The following CHMP3 variants were observed in gnomAD, a reference collection of about 807,000 sequenced individuals.
The protein encoded by CHMP3 is 25.1 protein.
A neutral mutation model predicts 27.4 loss-of-function variants in CHMP3; 8 were observed. The ratio of observed to expected loss-of-function variants is 0.29; its 90% CI spans 0.17 to 0.53. The LOEUF (loss-of-function observed/expected upper bound fraction) is 0.53. Ranked by LOEUF, CHMP3 falls within the 20% of genes least tolerant of loss-of-function variation. CHMP3 has a pLI of 0.96. For missense variants in CHMP3, 208 were observed against 271.5 expected, an observed-to-expected ratio of 0.77 and a Z score of 1.64; for synonymous variants, 86 against 85.5, an observed-to-expected ratio of 1.01 and a Z score of -0.03.
At chr2:86,556,328 A>C (rs1049081443) in intron 1 of CHMP3, among the ~76,000 whole-genome samples, 1 of 152,198 alleles carries the variant, frequency 6.6e-6, no homozygotes, top group Non-Finnish European at 1.5e-5. Context: ...AAAGCAACAA[A>C]TACAAGTGAC....
At chr2:86,520,616 G>A (rs1248960321) in intron 3 of CHMP3, among the ~76,000 whole-genome samples, 1 of 152,098 alleles carries the variant, frequency 6.6e-6, no homozygotes, top group African/African-American at 2.4e-5. Context: ...AAAAATACTA[G>A]AACAGTCTTT....
At chr2:86,507,685 T>A (rs1674939435) in intron 4 of CHMP3, 92 bp from the exon 5 acceptor site, 1 of 1,017,552 alleles carries the variant, frequency 9.8e-7, no homozygotes, top group Non-Finnish European at 1.5e-6. Context: ...CTAGCCTAAG[T>A]CCAGTCTATC....
intron 5 of CHMP3, chr2:86,507,179 G>A (rs954256594): frequency 4.4e-5 from 10 of 229,752 alleles, no homozygotes; most frequent in African/African-American, 1.8e-4. Flanking sequence ...AAGGGCTTTT[G>A]AATGGCTATG....
intron 2 of CHMP3, among the ~76,000 whole-genome samples, chr2:86,531,528 C>T (rs897333543): frequency 1.3e-5 from 2 of 152,166 alleles, no homozygotes; most frequent in Non-Finnish European, 2.9e-5. Flanking sequence ...CACATCACCA[C>T]GCCCAGCAGT....
chr2:86,534,727 TATA>T (rs1676058628), intron 2 of CHMP3, among the ~76,000 whole-genome samples: 1 of 152,214 alleles, frequency 6.6e-6, no homozygotes, highest in African/African-American at 2.4e-5. Context: ...CTTTGTCTCA[TATA>T]ATCTTTATTT....
At chr2:86,509,626 T>C (rs892676829) in intron 4 of CHMP3, among the ~76,000 whole-genome samples, 4 of 152,182 alleles carry the variant, frequency 2.6e-5, no homozygotes, top group Admixed American at 2.6e-4. Context: ...CCCATCCTCA[T>C]TTCCTCTGTG....
intron 3 of CHMP3, among the ~76,000 whole-genome samples, chr2:86,523,554 A>G (rs1007756678): frequency 1.3e-5 from 2 of 152,184 alleles, no homozygotes; most frequent in African/African-American, 4.8e-5. Context: ...GGGCTAAAAG[A>G]GATATTTATT....
chr2:86,548,789 C>T (rs1354683088), intron 1 of CHMP3, among the ~76,000 whole-genome samples: 2 of 151,660 alleles, frequency 1.3e-5, no homozygotes, highest in Non-Finnish European at 2.9e-5. Context: ...GGCAGAGGTG[C>T]TCCTCACCTC....
At chr2:86,531,405 G>A (rs1189985703) in intron 2 of CHMP3, among the ~76,000 whole-genome samples, 1 of 152,110 alleles carries the variant, frequency 6.6e-6, no homozygotes, top group African/African-American at 2.4e-5. Flanking sequence ...ATGTTGCTCA[G>A]GGTGTAGTGC....
intron 3 of CHMP3, among the ~76,000 whole-genome samples, chr2:86,524,595 T>C (rs1004533050): frequency 1.3e-5 from 2 of 152,226 alleles, no homozygotes; most frequent in Non-Finnish European, 2.9e-5. Context: ...GTGTAGGTTA[T>C]ATGCAAATAC....
chr2:86,542,622 C>G (rs970057185), intron 1 of CHMP3, among the ~76,000 whole-genome samples: 3 of 152,258 alleles, frequency 2.0e-5, no homozygotes, highest in Middle Eastern at 3.4e-3. Flanking sequence ...TCCAAGTGCA[C>G]AGTTAGCTTT....
chr2:86,511,521 G>T (rs1042889496), intron 3 of CHMP3: 11 of 151,296 alleles, frequency 7.3e-5, no homozygotes, highest in Non-Finnish European at 1.6e-4. Flanking sequence ...TGATAAAAAA[G>T]TTATAATTAC....
At chr2:86,516,907 T>C (rs1301182093) in intron 3 of CHMP3, among the ~76,000 whole-genome samples, 3 of 152,208 alleles carry the variant, frequency 2.0e-5, no homozygotes, top group Admixed American at 6.5e-5. Context: ...AAGGGCAACA[T>C]GACGGATTCT....
At position 86,503,986 on chromosome 2, in the gene CHMP3, C is replaced by G. The variant is rs1674794000; in HGVS notation, c.*1818G>C. ...AGAAAAGTAACTATTGGGTACTAGG[C>G]TTAGTACCTGGGTCACTAAATAATC... On this transcript the variant is annotated 3_prime_UTR_variant, in exon 6 of 6. Coordinates refer to ENST00000263856, the MANE Select transcript of CHMP3 (RefSeq NM_016079.4). 6.6e-6 allele frequency: 1 copy of G among 152,126 alleles called. No individual in the cohort carries two copies. The allele number at this position is 152,126 out of a possible 1,614,324, so 9.4% of individuals were successfully genotyped here.
chr2:86,534,718 T>G (rs1024655268), intron 2 of CHMP3, among the ~76,000 whole-genome samples: 9 of 152,198 alleles, frequency 5.9e-5, no homozygotes, highest in Admixed American at 3.3e-4. Context: ...TATAATGTCC[T>G]TTGTCTCATA....
At chr2:86,520,781 A>G (rs1200577418) in intron 3 of CHMP3, among the ~76,000 whole-genome samples, 1 of 152,162 alleles carries the variant, frequency 6.6e-6, no homozygotes, top group African/African-American at 2.4e-5. Context: ...TGGATGTACT[A>G]TCCTACCTGG....
At chr2:86,549,330 AT>A (rs1676770602) in intron 1 of CHMP3, among the ~76,000 whole-genome samples, 1 of 139,368 alleles carries the variant, frequency 7.2e-6, no homozygotes, top group African/African-American at 2.7e-5. Flanking sequence ...CACTTCCCAG[AT>A]GATGGGCGGC....
intron 3 of CHMP3, among the ~76,000 whole-genome samples, chr2:86,527,677 T>C (rs773353457): frequency 2.0e-5 from 3 of 152,178 alleles, no homozygotes; most frequent in Non-Finnish European, 4.4e-5. Flanking sequence ...AAAGTGAAGA[T>C]AGGCCGGAAG....
intron 2 of CHMP3, among the ~76,000 whole-genome samples, chr2:86,534,898 T>C (rs957210158): frequency 1.3e-5 from 2 of 152,202 alleles, no homozygotes; most frequent in Non-Finnish European, 1.5e-5. Context: ...TTAAATATAA[T>C]ATTATGTTTT....
Sources: gnomAD v4.1 joint callset for allele counts (sites outside exome capture counted in the v4.1 genomes callset) on GRCh38, gnomAD v4.1.1 for gene constraint, MANE v1.5 for transcripts, NCBI Gene and HGNC (gene_info 2026-07-23, HGNC 2026-07-21) for gene names.